The following ELP4 variants were observed in gnomAD, a reference collection of about 807,000 sequenced individuals.
ELP4 encodes elongator complex protein 4.
In ELP4, 51 loss-of-function variants were observed where a neutral mutation model predicts 48.9. The observed-to-expected ratio is 1.04, with a 90% CI of 0.83 to 1.32. ELP4 has a LOEUF of 1.32. ELP4 is among the 40% of genes most tolerant of loss of function. The pLI, the probability that ELP4 is intolerant of heterozygous loss-of-function variation, is 0.00. For missense variants in ELP4, 519 were observed against 514.6 expected (o/e 1.01, Z -0.08); for synonymous variants, 210 against 189.2 (o/e 1.11, Z -0.90).
At chr11:31,522,250 A>C (rs1956225247) in intron 2 of ELP4, among the ~76,000 whole-genome samples, 1 of 152,184 alleles carries the variant, frequency 6.6e-6, no homozygotes, top group South Asian at 2.1e-4. Flanking sequence ...TCTATTGAGA[A>C]AATTATTTAC....
chr11:31,683,955 T>C (rs536585873), intron 9 of ELP4, among the ~76,000 whole-genome samples: 1 of 152,166 alleles, frequency 6.6e-6, no homozygotes, highest in Non-Finnish European at 1.5e-5. Flanking sequence ...AACATGGTTT[T>C]GGTTATTACA....
At chr11:31,752,880 C>A (rs1440866282) in intron 9 of ELP4, among the ~76,000 whole-genome samples, 1 of 151,420 alleles carries the variant, frequency 6.6e-6, no homozygotes, top group African/African-American at 2.4e-5. Flanking sequence ...ACCAAACTGT[C>A]CATATCTATA....
chr11:31,595,158 G>A (rs892640754), intron 4 of ELP4, among the ~76,000 whole-genome samples: 1 of 152,116 alleles, frequency 6.6e-6, no homozygotes, highest in Admixed American at 6.6e-5. Flanking sequence ...GACAGAGTAA[G>A]TGAACTAATG....
chr11:31,575,183 G>A (rs938791489), intron 3 of ELP4, among the ~76,000 whole-genome samples: 1 of 152,014 alleles, frequency 6.6e-6, no homozygotes, highest in African/African-American at 2.4e-5. Context: ...TGAAAGAAAG[G>A]GTATCAGTGA....
chr11:31,615,038 G>C (rs1362809286), intron 5 of ELP4, among the ~76,000 whole-genome samples: 1 of 152,112 alleles, frequency 6.6e-6, no homozygotes, highest in Non-Finnish European at 1.5e-5. Flanking sequence ...TGCCAGGTCA[G>C]ATGGTTGTAT....
At chr11:31,550,962 T>G (rs1956840386) in intron 3 of ELP4, among the ~76,000 whole-genome samples, 1 of 152,192 alleles carries the variant, frequency 6.6e-6, no homozygotes, top group Non-Finnish European at 1.5e-5. Context: ...GATTGTGCTT[T>G]TTCTTCCGGA....
At chr11:31,639,515 A>G (rs1466287698) in intron 7 of ELP4, among the ~76,000 whole-genome samples, 1 of 151,866 alleles carries the variant, frequency 6.6e-6, no homozygotes, top group Admixed American at 6.6e-5. Flanking sequence ...TTTTAAAGTC[A>G]CATCATAGCT....
chr11:31,523,039 A>C (rs1272192763), intron 2 of ELP4, among the ~76,000 whole-genome samples: 1 of 145,328 alleles, frequency 6.9e-6, no homozygotes, highest in African/African-American at 2.5e-5. Context: ...TTATTTATTA[A>C]TTTTTTTTTT....
intron 3 of ELP4, among the ~76,000 whole-genome samples, chr11:31,549,852 T>C (rs893149521): frequency 6.6e-6 from 1 of 152,046 alleles, no homozygotes; most frequent in South Asian, 2.1e-4. Context: ...ATGGATGAAA[T>C]TGGAAATCAT....
At chr11:31,685,837 A>G (rs926372838) in intron 9 of ELP4, among the ~76,000 whole-genome samples, 5 of 151,970 alleles carry the variant, frequency 3.3e-5, no homozygotes, top group Non-Finnish European at 7.4e-5. Context: ...AGGCTGAGGC[A>G]GGAGAATCAC....
chr11:31,735,649 A>G lies in ELP4; in HGVS notation c.1144-47744A>G, dbSNP rs564491785. 2.7e-4 allele frequency among the ~76,000 whole-genome samples: 41 copies of G among 152,286 alleles called. No homozygotes were observed. In the South Asian group the frequency reaches 7.5e-3, roughly 28 times the overall value. ...AAGTCTCAGGATACAAAATCAATGT[A>G]CAAAAATCACAAGCATTCTTATACA... On this transcript the variant is annotated intron_variant, in intron 9 of 9. Transcript: ENST00000640961.
intron 9 of ELP4, among the ~76,000 whole-genome samples, chr11:31,723,193 A>G (rs76987117): frequency 0.021 from 3,212 of 152,254 alleles, 108 homozygotes; most frequent in African/African-American, 0.073. Flanking sequence ...GGCAGAAAGC[A>G]ATAGCAGTCA....
chr11:31,530,850 C>T (rs1466258457), intron 2 of ELP4, among the ~76,000 whole-genome samples: 1 of 152,082 alleles, frequency 6.6e-6, no homozygotes, highest in Admixed American at 6.6e-5. Flanking sequence ...GTGTAAGTCC[C>T]CAAACTGAAT....
intron 9 of ELP4, among the ~76,000 whole-genome samples, chr11:31,753,743 ACATG>A: frequency 6.6e-6 from 1 of 152,370 alleles, no homozygotes; most frequent in Admixed American, 6.5e-5. Flanking sequence ...ACAAAATGAT[ACATG>A]CATTATGATT....
At chr11:31,546,936 A>G (rs974015063) in intron 3 of ELP4, among the ~76,000 whole-genome samples, 2 of 152,194 alleles carry the variant, frequency 1.3e-5, no homozygotes, top group African/African-American at 4.8e-5. Context: ...TTTGAAACCA[A>G]CGAGAACAAA....
intron 9 of ELP4, among the ~76,000 whole-genome samples, chr11:31,759,020 T>C (rs1199612214): frequency 3.3e-5 from 5 of 152,326 alleles, no homozygotes; most frequent in Admixed American, 1.3e-4. Context: ...TTGGTAGATA[T>C]ACGTTTGTGA....
At chr11:31,515,777 A>G (rs1038772013) in intron 1 of ELP4, among the ~76,000 whole-genome samples, 2 of 152,180 alleles carry the variant, frequency 1.3e-5, no homozygotes, top group East Asian at 3.9e-4. Context: ...GAAAACTGTT[A>G]TGTGATCTGT....
chr11:31,632,859 C>T (rs3781854), intron 7 of ELP4: 21,626 of 151,872 alleles, frequency 0.14, 1,716 homozygotes, highest in East Asian at 0.3. Flanking sequence ...ATTTTTTCTA[C>T]AGTTTTAGTT....
At chr11:31,603,620 T>G in intron 4 of ELP4, 148 bp from the exon 5 acceptor site, 1 of 616,578 alleles carries the variant, frequency 1.6e-6, no homozygotes, top group Non-Finnish European at 2.6e-6. Flanking sequence ...GTTGTATGCT[T>G]CTTTGAAATT....
Sources: gnomAD v4.1 joint callset for allele counts (sites outside exome capture counted in the v4.1 genomes callset) on GRCh38, gnomAD v4.1.1 for gene constraint, MANE v1.5 for transcripts, NCBI Gene and HGNC (gene_info 2026-07-23, HGNC 2026-07-21) for gene names.